The following MYH7B variants were observed in gnomAD, a reference collection of about 807,000 sequenced individuals.
MYH7B encodes myosin-7B.
Under a neutral mutation model 234.5 loss-of-function variants are expected in MYH7B, and 205 were observed. That is an observed-to-expected ratio of 0.87 (90% CI 0.78 to 0.98). The LOEUF (loss-of-function observed/expected upper bound fraction) is 0.98. Among genes scored for constraint, MYH7B ranks in the 50% least tolerant of loss-of-function variants. MYH7B has a pLI of 0.00. For missense variants in MYH7B, 2,652 were observed against 2,633.4 expected (o/e 1.01, Z -0.15); for synonymous variants, 1,193 against 1,105.0 (o/e 1.08, Z -1.58).
Position 34,990,833 on chromosome 20 carries a change from C to T in MYH7B, c.2065+8C>T. ...ACGAGAACAAAACCCCAGGTAGTCA[C>T]CCAGGGCTGGCCTGGCTGGGGCCGG... On this transcript the variant is annotated splice_region_variant and intron_variant, in intron 23 of 44. Coordinates refer to ENST00000262873, the Ensembl canonical transcript of MYH7B. 1 of 1,614,058 alleles carries T rather than the reference C, an allele frequency of 6.2e-7. No individual in the cohort carries two copies. The highest frequency in any genetic ancestry group is 8.5e-7 in the Non-Finnish European group (1 of 1,179,938).
In MYH7B at chr20:34,995,607, G is replaced by A. The variant is rs551002383; in HGVS notation, c.2943+29G>A. ...TGGGCCGGGCCAGCTGTGGGGAAGGGCCCTGAGCCAGGGGCCAGCTTTGGG... is the reference window on the plus strand; with the variant it reads ...TGGGCCGGGCCAGCTGTGGGGAAGGACCCTGAGCCAGGGGCCAGCTTTGGG... On this transcript the variant is annotated intron_variant, in intron 28 of 44. Transcript: ENST00000262873. The A allele has an allele frequency of 4.7e-4, 760 of 1,609,992 alleles. 11 individuals carry two copies. The South Asian group carries it at 7.8e-3, about 17-fold the overall frequency.
At chr20:35,000,203 A>G in intron 38 of MYH7B, 90 bp from the exon 39 acceptor site, 1 of 1,448,766 alleles carries the variant, frequency 6.9e-7, no homozygotes, top group South Asian at 1.4e-5. Context: ...ATTTGTTCTC[A>G]AAATGGGTTC....
exon 43 of MYH7B, chr20:35,001,440 G>C (rs965647773): frequency 6.2e-7 from 1 of 1,601,776 alleles, no homozygotes; most frequent in Non-Finnish European, 8.5e-7. Context: ...GGCCGAGGAG[G>C]ACAGGAAGAA....
chr20:34,990,048 A>T (rs375436848), exon 21 of MYH7B: 1 of 1,614,116 alleles, frequency 6.2e-7, no homozygotes, highest in Admixed American at 1.7e-5. Context: ...CTGGAGAAAA[A>T]CAAGGATCCC....
chr20:34,983,250 T>C lies in MYH7B; in HGVS notation c.624+695T>C, dbSNP rs949538177. 3.7e-4 allele frequency among the ~76,000 whole-genome samples: 47 copies of C among 127,772 alleles called. 1 individual carries two copies. The highest frequency in any genetic ancestry group is 7.1e-5 in the Non-Finnish European group (4 of 56,120). The allele number at this position is 127,772 out of a possible 152,430, so 83.8% of individuals were successfully genotyped here. ...TTTTTCTTGTTTTTCCCCTGTTTTC[T>C]TTCTTTCTTTCTTTTCTCTTTCTTT... On this transcript the variant is annotated intron_variant, in intron 10 of 44. Transcript: ENST00000262873.
At position 34,996,382 on chromosome 20, in the gene MYH7B, G is replaced by A. The variant is rs779769037; in HGVS notation, c.2980G>A (p.Glu994Lys). 26 of 1,608,726 alleles carry A rather than the reference G, an allele frequency of 1.6e-5. No individual in the cohort carries two copies. The highest frequency in any genetic ancestry group is 4.4e-5 in the South Asian group (4 of 90,468). Residue 994 changes from glutamate to lysine, a missense_variant, in exon 29 of 45, where the codon GAG (glutamate) becomes AAG (lysine). By Grantham distance (56) the Glu-to-Lys change is moderately conservative. This residue lies in a region of MYH7B where 2,279 missense variants were observed against 2,211.4 expected (regional missense o/e 1.03). Coordinates refer to ENST00000262873, the Ensembl canonical transcript of MYH7B. Reference sequence around the variant, plus strand: ...GACGGAAGAGATGGCTGCGCTGGACGAGTCAGTGGCCCGGCTGACCAAGGA... The same window carrying A: ...GACGGAAGAGATGGCTGCGCTGGACAAGTCAGTGGCCCGGCTGACCAAGGA...
At chr20:34,968,675 C>G (rs193113214) in intron 2 of MYH7B, among the ~76,000 whole-genome samples, 13 of 152,354 alleles carry the variant, frequency 8.5e-5, no homozygotes, top group Non-Finnish European at 1.6e-4. Context: ...ATGGTGACCC[C>G]TGGGGGTACA....
chr20:34,978,621 A>G (rs1600419289), intron 5 of MYH7B, among the ~76,000 whole-genome samples: 2 of 152,280 alleles, frequency 1.3e-5, no homozygotes, highest in Middle Eastern at 6.8e-3. Context: ...TCCATGCATC[A>G]TCTCAACAAC....
rs776572543 is a variant in MYH7B, at chr20:34,990,241, C to G, written c.1908C>G (p.Pro636=). Residue 636 remains proline (P), a synonymous_variant, in exon 22 of 45, where the codon CCC becomes CCG. Coordinates refer to ENST00000262873, the Ensembl canonical transcript of MYH7B. ...GCCCCTTGTCTCTATTAGCTGAGCC[C>G]CCCAAGTCTGGGGTGAAAGAGAAGC... 1.9e-6 allele frequency: 3 copies of G among 1,614,148 alleles called. No homozygotes were observed. The South Asian group carries it at 3.3e-5, about 18-fold the overall frequency.
At chr20:34,965,413 G>A (rs2081733100) in intron 2 of MYH7B, among the ~76,000 whole-genome samples, 1 of 152,354 alleles carries the variant, frequency 6.6e-6, no homozygotes, top group East Asian at 1.9e-4. Context: ...GCGCAGCAGG[G>A]AGCAGAGCGA....
Position 34,987,929 on chromosome 20 carries a change from T to G in MYH7B, c.1416+15T>G, listed in dbSNP as rs1380545350. 7.0e-6 allele frequency: 11 copies of G among 1,578,094 alleles called. No individual in the cohort carries two copies. The highest frequency in any genetic ancestry group is 9.5e-6 in the Non-Finnish European group (11 of 1,160,086). Reference sequence around the variant, plus strand: ...AGATCTTTGAGGTGAGGACAGGCCCTCACCTTGGCCTCTGTTCTCTCCAAG... The same window carrying G: ...AGATCTTTGAGGTGAGGACAGGCCCGCACCTTGGCCTCTGTTCTCTCCAAG... On this transcript the variant is annotated intron_variant, in intron 18 of 44. Transcript: ENST00000262873.
At chr20:34,987,480 G>T in intron 16 of MYH7B, 77 bp from the exon 17 acceptor site, 1 of 1,445,320 alleles carries the variant, frequency 6.9e-7, no homozygotes, top group South Asian at 1.3e-5. Context: ...CCCTCTCCTA[G>T]CCCCAGGCTG....
chr20:34,988,499 G>A (rs1301087943), intron 19 of MYH7B, among the ~76,000 whole-genome samples: 1 of 152,174 alleles, frequency 6.6e-6, no homozygotes. Flanking sequence ...TGGTGAGTGT[G>A]TGAGCAGTGT....
At chr20:34,990,808 A>G (rs754976400) in exon 23 of MYH7B, 25 of 1,613,858 alleles carry the variant, frequency 1.5e-5, no homozygotes, top group East Asian at 1.1e-4. Context: ...ATTGTCCCCA[A>G]CGAGAACAAA....
chr20:34,999,498 CA>C, intron 36 of MYH7B, 72 bp from the exon 37 acceptor site: 1 of 1,534,432 alleles, frequency 6.5e-7, no homozygotes. Context: ...ACCCTGGAAT[CA>C]GGGGTGAGTG....
At chr20:34,968,067 C>T (rs144905135) in intron 2 of MYH7B, among the ~76,000 whole-genome samples, 1 of 152,338 alleles carries the variant, frequency 6.6e-6, no homozygotes, top group Non-Finnish European at 1.5e-5. Flanking sequence ...GGGCTGAGCA[C>T]TTTGTTTCAT....
At chr20:34,979,913 T>C in intron 7 of MYH7B, 109 bp downstream of exon 7, 1 of 1,172,400 alleles carries the variant, frequency 8.5e-7, no homozygotes. Context: ...CTGTGAGCGG[T>C]GGATCGGGGC....
chr20:34,994,303 G>A (rs1315270753), exon 27 of MYH7B: 1 of 1,611,102 alleles, frequency 6.2e-7, no homozygotes, highest in Non-Finnish European at 8.5e-7. Flanking sequence ...GGGGTTGCGA[G>A]GGGCGCTGGC....
chr20:35,001,607 G>T (rs1179682258), intron 43 of MYH7B, 81 bp downstream of exon 43: 1 of 1,247,664 alleles, frequency 8.0e-7, no homozygotes, highest in East Asian at 2.5e-5. Flanking sequence ...GGCATCAGCA[G>T]CAGCTCCACC....
Sources: allele counts gnomAD v4.1 joint callset (sites outside exome capture counted in the v4.1 genomes callset), GRCh38; gene constraint gnomAD v4.1.1; regional missense constraint gnomAD v4.1.1; transcripts MANE v1.5; gene names NCBI Gene and HGNC (gene_info 2026-07-23, HGNC 2026-07-21).